ZPBP: variants seen among roughly 807,000 people sequenced by gnomAD.
ZPBP encodes the protein zona pellucida binding protein, also known as zona pellucida-binding protein 1.
In ZPBP, 26 loss-of-function variants were observed where a neutral mutation model predicts 44.8. The observed-to-expected ratio is 0.58, with a 90% CI of 0.43 to 0.81. ZPBP has a LOEUF of 0.81. Ranked by LOEUF, ZPBP falls within the 30% of genes least tolerant of loss-of-function variation. The pLI is 0.00. For synonymous variants in ZPBP, 174 were observed against 153.2 expected, an observed-to-expected ratio of 1.14 and a Z score of -1.00; for missense variants, 409 against 434.0, an observed-to-expected ratio of 0.94 and a Z score of 0.51.
At chr7:50,073,323 G>C (rs886904967) in intron 3 of ZPBP, among the ~76,000 whole-genome samples, 3 of 151,988 alleles carry the variant, frequency 2.0e-5, no homozygotes, top group African/African-American at 4.8e-5. Context: ...GAATTAGTGA[G>C]CTTGAAAACA....
chr7:49,980,907 T>C (rs961903919), intron 7 of ZPBP, among the ~76,000 whole-genome samples: 6 of 151,916 alleles, frequency 3.9e-5, no homozygotes, highest in African/African-American at 7.2e-5. Flanking sequence ...GCAATTTAAG[T>C]TAGATTAAAA....
intron 2 of ZPBP, among the ~76,000 whole-genome samples, chr7:49,876,112 G>C (rs192438141): frequency 2.0e-5 from 3 of 152,240 alleles, no homozygotes; most frequent in East Asian, 3.9e-4. Context: ...TAATCCTAAA[G>C]AAAGGATCCA....
chr7:50,042,653 G>C (rs1800152148), intron 4 of ZPBP, among the ~76,000 whole-genome samples: 3 of 152,086 alleles, frequency 2.0e-5, no homozygotes, highest in Admixed American at 6.5e-5. Flanking sequence ...TGCCTTACAA[G>C]AGCTCCTGAA....
intron 7 of ZPBP, among the ~76,000 whole-genome samples, chr7:49,980,028 T>C (rs1159755188): frequency 7.4e-5 from 1 of 13,474 alleles, no homozygotes; most frequent in Admixed American, 6.8e-4. Flanking sequence ...TATAATTTTA[T>C]ATTATATTAT....
intron 1 of ZPBP, among the ~76,000 whole-genome samples, chr7:50,091,473 A>C (rs938053316): frequency 1.3e-5 from 2 of 152,202 alleles, no homozygotes; most frequent in Non-Finnish European, 2.9e-5. Flanking sequence ...CTCTCACCTT[A>C]CATAAAAATC....
At chr7:50,001,590 C>T (rs1329761135) in intron 6 of ZPBP, among the ~76,000 whole-genome samples, 2 of 152,106 alleles carry the variant, frequency 1.3e-5, no homozygotes, top group Non-Finnish European at 2.9e-5. Context: ...AAACAAAAAA[C>T]AGACAAAATA....
intron 7 of ZPBP, among the ~76,000 whole-genome samples, chr7:49,981,319 TA>T (rs1796874278): frequency 2.1e-5 from 1 of 47,134 alleles, no homozygotes; most frequent in African/African-American, 5.6e-5. Flanking sequence ...ATATATTATA[TA>T]ATATATATTA....
At chr7:49,950,805 TA>T (rs548714589) in intron 7 of ZPBP, among the ~76,000 whole-genome samples, 1 of 151,578 alleles carries the variant, frequency 6.6e-6, no homozygotes, top group Non-Finnish European at 1.5e-5. Context: ...AAAACATATT[TA>T]AAAAAATGAA....
At position 49,925,431 on chromosome 7, in the gene ZPBP, G is replaced by A. The variant is rs574006169; in HGVS notation, n.411+10320C>T. 1.4e-4 allele frequency among the ~76,000 whole-genome samples: 22 copies of A among 152,264 alleles called. No homozygotes were observed. The South Asian group carries it at 2.9e-3, about 20-fold the overall frequency. Reference sequence around the variant, plus strand: ...AGACATTGAGAGGTGGTAGTAGCTAGACAAGCCTGGGAAAGCAGGTGTCCA... The same window carrying A: ...AGACATTGAGAGGTGGTAGTAGCTAAACAAGCCTGGGAAAGCAGGTGTCCA... On this transcript the variant is annotated intron_variant and non_coding_transcript_variant, in intron 1 of 2. Coordinates refer to the ZPBP transcript ENST00000465922.
intron 4 of ZPBP, among the ~76,000 whole-genome samples, chr7:50,052,906 G>C (rs780677520): frequency 6.6e-6 from 1 of 152,138 alleles, no homozygotes; most frequent in Non-Finnish European, 1.5e-5. Flanking sequence ...AATGAGAGAA[G>C]ATTGGTGGTT....
At chr7:49,859,825 C>T (rs1370858929) in intron 2 of ZPBP, among the ~76,000 whole-genome samples, 2 of 150,746 alleles carry the variant, frequency 1.3e-5, no homozygotes, top group Non-Finnish European at 2.9e-5. Context: ...CACACACACA[C>T]TCACTCTGCT....
intron 6 of ZPBP, among the ~76,000 whole-genome samples, chr7:50,014,701 G>A (rs1798744345): frequency 6.6e-6 from 1 of 151,838 alleles, no homozygotes; most frequent in Admixed American, 6.6e-5. Flanking sequence ...CTGACCTCAA[G>A]TAATCCACTC....
intron 7 of ZPBP, among the ~76,000 whole-genome samples, chr7:49,979,821 A>T (rs1030122230): frequency 3.3e-5 from 3 of 90,520 alleles, no homozygotes; most frequent in Non-Finnish European, 6.0e-5. Flanking sequence ...TTCTGGAGTT[A>T]TACATATATA....
intron 4 of ZPBP, among the ~76,000 whole-genome samples, chr7:50,042,990 A>T (rs192478509): frequency 9.3e-4 from 141 of 152,296 alleles, no homozygotes; most frequent in Non-Finnish European, 1.7e-3. Flanking sequence ...CGTGATGGCC[A>T]TGACACCCAC....
intron 1 of ZPBP, among the ~76,000 whole-genome samples, chr7:49,909,795 A>G (rs1488477530): frequency 1.6e-4 from 25 of 152,204 alleles, no homozygotes; most frequent in Admixed American, 1.6e-3. Context: ...GTGTCTGAAC[A>G]GGGGACAAGA....
chr7:50,003,051 C>T (rs1221881903), intron 6 of ZPBP, among the ~76,000 whole-genome samples: 3 of 152,098 alleles, frequency 2.0e-5, no homozygotes, highest in Non-Finnish European at 4.4e-5. Context: ...CTAATAATTC[C>T]CTACTTGTTT....
intron 1 of ZPBP, chr7:50,092,782 T>C (rs2128860319): frequency 6.3e-6 from 2 of 319,858 alleles, no homozygotes; most frequent in African/African-American, 4.4e-5. Context: ...AGATGACCCA[T>C]GGACTGAATT....
intron 7 of ZPBP, among the ~76,000 whole-genome samples, chr7:49,956,598 A>G (rs763637144): frequency 3.3e-5 from 5 of 152,132 alleles, no homozygotes; most frequent in African/African-American, 1.2e-4. Context: ...TATAAGATCT[A>G]TATGATGCTA....
At chr7:49,898,162 C>A (rs561404718) in intron 2 of ZPBP, among the ~76,000 whole-genome samples, 22 of 151,572 alleles carry the variant, frequency 1.5e-4, no homozygotes, top group African/African-American at 5.1e-4. Context: ...TATGTGTATG[C>A]TTTATATGTG....
Sources: gnomAD v4.1 joint callset for allele counts (sites outside exome capture counted in the v4.1 genomes callset) on GRCh38, gnomAD v4.1.1 for gene constraint, MANE v1.5 for transcripts, NCBI Gene and HGNC (gene_info 2026-07-23, HGNC 2026-07-21) for gene names.